The following CAMK1D variants were observed in gnomAD, a reference collection of about 807,000 sequenced individuals.
The protein encoded by CAMK1D is calcium/calmodulin dependent protein kinase ID, also known as calcium/calmodulin-dependent protein kinase type 1D.
A neutral mutation model predicts 47.7 loss-of-function variants in CAMK1D; 9 were observed. The ratio of observed to expected loss-of-function variants is 0.19; its 90% CI spans 0.11 to 0.33. The LOEUF (loss-of-function observed/expected upper bound fraction) is 0.33, where lower values mean the gene tolerates loss of function less well. Among genes scored for constraint, CAMK1D ranks in the 10% least tolerant of loss-of-function variants. CAMK1D has a pLI of 1.00. For missense variants in CAMK1D, 291 were observed against 488.7 expected (o/e 0.60, Z 3.81); for synonymous variants, 184 against 184.9 (o/e 0.99, Z 0.04).
chr10:12,432,793 C>A (rs1158491341), intron 1 of CAMK1D, among the ~76,000 whole-genome samples: 1 of 152,234 alleles, frequency 6.6e-6, no homozygotes, highest in Non-Finnish European at 1.5e-5. Context: ...GTGTCCTTGT[C>A]ACTGGTGTTC....
chr10:12,717,203 T>A (rs1428371211), intron 3 of CAMK1D, among the ~76,000 whole-genome samples: 1 of 152,224 alleles, frequency 6.6e-6, no homozygotes, highest in South Asian at 2.1e-4. Context: ...TTACTCCAAT[T>A]TTTTGGTACA....
chr10:12,647,651 G>A (rs1158445244), intron 2 of CAMK1D, among the ~76,000 whole-genome samples: 3 of 152,158 alleles, frequency 2.0e-5, no homozygotes, highest in Admixed American at 2.0e-4. Flanking sequence ...TCTTAGACCT[G>A]GGTAAGAGGA....
intron 1 of CAMK1D, among the ~76,000 whole-genome samples, chr10:12,502,890 T>C (rs1014865903): frequency 6.6e-6 from 1 of 152,220 alleles, no homozygotes; most frequent in African/African-American, 2.4e-5. Flanking sequence ...CACTGCAGGG[T>C]GCAGTTCACT....
intron 6 of CAMK1D, among the ~76,000 whole-genome samples, chr10:12,792,775 A>T (rs1838033750): frequency 6.6e-6 from 1 of 152,224 alleles, no homozygotes; most frequent in African/African-American, 2.4e-5. Flanking sequence ...TCGTTTATGG[A>T]AATTGGTAAA....
At chr10:12,726,520 T>G (rs1453979055) in intron 3 of CAMK1D, among the ~76,000 whole-genome samples, 1 of 152,176 alleles carries the variant, frequency 6.6e-6, no homozygotes, top group Non-Finnish European at 1.5e-5. Context: ...TTAGACCTAG[T>G]GCCGCAGGAG....
intron 1 of CAMK1D, among the ~76,000 whole-genome samples, chr10:12,379,942 C>T (rs188288216): frequency 8.6e-5 from 13 of 151,464 alleles, no homozygotes; most frequent in Non-Finnish European, 1.2e-4. Flanking sequence ...TGGCCGGGCG[C>T]GGTGGCTCAC....
intron 1 of CAMK1D, among the ~76,000 whole-genome samples, chr10:12,463,981 A>G (rs918515766): frequency 6.6e-6 from 1 of 151,626 alleles, no homozygotes; most frequent in Non-Finnish European, 1.5e-5. Context: ...TTCCTCTTCC[A>G]CCATGATTGT....
intron 1 of CAMK1D, among the ~76,000 whole-genome samples, chr10:12,387,465 A>ATATATATATATG: frequency 7.9e-6 from 1 of 126,490 alleles, no homozygotes; most frequent in East Asian, 2.1e-4. Flanking sequence ...ATATATATAT[A>ATATATATATATG]GACATTGTAA....
chr10:12,561,790 T>C (rs1288252183), intron 2 of CAMK1D, among the ~76,000 whole-genome samples: 1 of 152,220 alleles, frequency 6.6e-6, no homozygotes, highest in Admixed American at 6.5e-5. Context: ...CATTTTAAAT[T>C]TGGTTTGAGA....
At chr10:12,358,184 C>CG (rs750135590) in intron 1 of CAMK1D, among the ~76,000 whole-genome samples, 2 of 151,992 alleles carry the variant, frequency 1.3e-5, no homozygotes, top group Non-Finnish European at 2.9e-5. Flanking sequence ...ATGATGGTAC[C>CG]ACTACACCCC....
At chr10:12,374,258 C>CAAAAAA (rs56312810) in intron 1 of CAMK1D, among the ~76,000 whole-genome samples, 62 of 91,622 alleles carry the variant, frequency 6.8e-4, no homozygotes, top group Middle Eastern at 5.8e-3. Flanking sequence ...GACTCTGTCT[C>CAAAAAA]AAAAAAAAAA....
At chr10:12,564,829 C>T (rs1181596620) in intron 2 of CAMK1D, among the ~76,000 whole-genome samples, 1 of 152,164 alleles carries the variant, frequency 6.6e-6, no homozygotes, top group Non-Finnish European at 1.5e-5. Context: ...TTGTCAAAAG[C>T]TGTAGAACTG....
At chr10:12,442,214 G>T (rs755777646) in intron 1 of CAMK1D, among the ~76,000 whole-genome samples, 4 of 152,046 alleles carry the variant, frequency 2.6e-5, no homozygotes, top group African/African-American at 4.8e-5. Context: ...GGGCGCGGTG[G>T]CTCATGCCTG....
At chr10:12,707,541 G>C (rs1016623504) in intron 3 of CAMK1D, among the ~76,000 whole-genome samples, 1 of 152,182 alleles carries the variant, frequency 6.6e-6, no homozygotes, top group African/African-American at 2.4e-5. Flanking sequence ...AGGAAGGACA[G>C]GAAATGTCTG....
At chr10:12,429,892 C>T (rs1330089176) in intron 1 of CAMK1D, among the ~76,000 whole-genome samples, 1 of 152,120 alleles carries the variant, frequency 6.6e-6, no homozygotes, top group Non-Finnish European at 1.5e-5. Flanking sequence ...CATTAATGTA[C>T]TTGGTTAGCA....
At chr10:12,756,541 G>T (rs917844806) in intron 3 of CAMK1D, among the ~76,000 whole-genome samples, 4 of 152,202 alleles carry the variant, frequency 2.6e-5, no homozygotes, top group African/African-American at 9.6e-5. Context: ...ATTTTACTGA[G>T]ATTATTATGT....
At chr10:12,431,007 C>T (rs942810191) in intron 1 of CAMK1D, among the ~76,000 whole-genome samples, 2 of 152,204 alleles carry the variant, frequency 1.3e-5, no homozygotes, top group South Asian at 2.1e-4. Context: ...GCTTTGGCCT[C>T]CCAAAGTGCT....
intron 1 of CAMK1D, among the ~76,000 whole-genome samples, chr10:12,360,467 A>C (rs7909593): frequency 0.097 from 14,729 of 152,204 alleles, 938 homozygotes; most frequent in South Asian, 0.26. Context: ...CCTGCCCCCA[A>C]ATATCCTCCC....
intron 2 of CAMK1D, among the ~76,000 whole-genome samples, chr10:12,567,240 A>C (rs1837153419): frequency 6.6e-6 from 1 of 152,156 alleles, no homozygotes; most frequent in African/African-American, 2.4e-5. Context: ...CCTCTCCTTC[A>C]GCTGCAGGCC....
Sources: allele counts gnomAD v4.1 joint callset (sites outside exome capture counted in the v4.1 genomes callset), GRCh38; gene constraint gnomAD v4.1.1; transcripts MANE v1.5; gene names NCBI Gene and HGNC (gene_info 2026-07-23, HGNC 2026-07-21).